Variants in PAK5 observed in about 807,000 individuals in gnomAD.
PAK5 encodes the protein serine/threonine-protein kinase PAK 5.
In PAK5, 16 loss-of-function variants were observed where a neutral mutation model predicts 65.9. The observed-to-expected ratio is 0.24, with a 90% CI of 0.16 to 0.37. The LOEUF is 0.37. Ranked by LOEUF, PAK5 falls within the 10% of genes least tolerant of loss-of-function variation. The pLI, the probability that PAK5 is intolerant of heterozygous loss-of-function variation, is 1.00. For missense variants in PAK5, 785 were observed against 903.9 expected (o/e 0.87, Z 1.69); for synonymous variants, 371 against 354.9 (o/e 1.05, Z -0.51).
At chr20:9,593,598 G>A (rs1170799087) in intron 3 of PAK5, among the ~76,000 whole-genome samples, 6 of 152,110 alleles carry the variant, frequency 3.9e-5, no homozygotes, top group Non-Finnish European at 7.3e-5. Flanking sequence ...ACAGGCCCCG[G>A]TGTGCGATGT....
At chr20:9,557,506 A>T (rs2045525572) in intron 7 of PAK5, 102 bp downstream of exon 7, 1 of 988,494 alleles carries the variant, frequency 1.0e-6, no homozygotes, top group South Asian at 1.9e-5. Context: ...ACTTGTGACT[A>T]AGAAAAATTA....
intron 2 of PAK5, among the ~76,000 whole-genome samples, chr20:9,685,869 G>A (rs2047712513): frequency 2.0e-5 from 3 of 152,166 alleles, no homozygotes; most frequent in South Asian, 4.1e-4. Flanking sequence ...GTGTTATGAA[G>A]TACAGCCCCA....
At chr20:9,815,969 A>G (rs908484502) in intron 1 of PAK5, among the ~76,000 whole-genome samples, 1 of 152,266 alleles carries the variant, frequency 6.6e-6, no homozygotes, top group South Asian at 2.1e-4. Context: ...GAGAGCTCCA[A>G]AGTCACACTA....
At chr20:9,787,183 T>C (rs6118734) in intron 1 of PAK5, among the ~76,000 whole-genome samples, 15,800 of 152,144 alleles carry the variant, frequency 0.1, 2,051 homozygotes, top group African/African-American at 0.29. Flanking sequence ...ATAAGAGAAA[T>C]AAAGCATAGA....
At chr20:9,541,436 T>G (rs779144753) in intron 9 of PAK5, among the ~76,000 whole-genome samples, 5 of 152,184 alleles carry the variant, frequency 3.3e-5, no homozygotes, top group Non-Finnish European at 7.3e-5. Context: ...CTTACATGCA[T>G]TATATTAACC....
intron 3 of PAK5, among the ~76,000 whole-genome samples, chr20:9,611,783 C>T (rs1278561106): frequency 1.3e-5 from 2 of 152,162 alleles, no homozygotes; most frequent in African/African-American, 4.8e-5. Context: ...CCCAACTCTG[C>T]CTCAAGAGAG....
chr20:9,639,661 C>T (rs549129308), intron 3 of PAK5, among the ~76,000 whole-genome samples: 1 of 152,330 alleles, frequency 6.6e-6, no homozygotes, highest in African/African-American at 2.4e-5. Flanking sequence ...ATATTTTAGT[C>T]TTTTCATTTC....
At chr20:9,543,802 T>C (rs1167912946) in intron 8 of PAK5, among the ~76,000 whole-genome samples, 1 of 152,180 alleles carries the variant, frequency 6.6e-6, no homozygotes, top group East Asian at 1.9e-4. Flanking sequence ...TTCCAGGCCC[T>C]ACCTCTTAAA....
At chr20:9,828,318 TTTTG>T (rs1482285168) in intron 1 of PAK5, among the ~76,000 whole-genome samples, 1 of 152,220 alleles carries the variant, frequency 6.6e-6, no homozygotes, top group Non-Finnish European at 1.5e-5. Context: ...GGCAAATTAT[TTTTG>T]TTTGTCTGTT....
rs558322058 is a variant in PAK5, at chr20:9,742,900, AC to A, written c.-161-31466del. On this transcript the variant is annotated intron_variant, in intron 1 of 9. Coordinates refer to ENST00000353224, the MANE Select transcript of PAK5 (RefSeq NM_177990.4). ...ACCTAGACAAGAACAGATCTTGTAA[AC>A]ACTGTGATGGGATTTACTAACAGGA... 3.5e-3 allele frequency among the ~76,000 whole-genome samples: 532 copies of A among 152,302 alleles called. 1 individual carries two copies. Among genetic ancestry groups the A allele is most frequent in the South Asian group, 0.01 (50 of 4,826 alleles).
intron 1 of PAK5, among the ~76,000 whole-genome samples, chr20:9,836,940 G>A (rs1389857776): frequency 5.3e-5 from 8 of 152,204 alleles, no homozygotes; most frequent in Non-Finnish European, 1.0e-4. Context: ...ACATAGAAGA[G>A]TCAGAGTTCA....
intron 1 of PAK5, among the ~76,000 whole-genome samples, chr20:9,726,983 T>C (rs553717334): frequency 6.6e-6 from 1 of 152,264 alleles, no homozygotes; most frequent in South Asian, 2.1e-4. Flanking sequence ...CCAATTAGAA[T>C]CTTCATAATT....
At chr20:9,809,028 C>CTTTATATTATTCTA (rs887102307) in intron 1 of PAK5, among the ~76,000 whole-genome samples, 3 of 151,976 alleles carry the variant, frequency 2.0e-5, no homozygotes, top group African/African-American at 7.3e-5. Flanking sequence ...TGTCGATGTT[C>CTTTATATTATTCTA]TTTATATTAT....
chr20:9,833,852 T>G (rs983322946), intron 1 of PAK5, among the ~76,000 whole-genome samples: 3 of 152,224 alleles, frequency 2.0e-5, no homozygotes, highest in African/African-American at 4.8e-5. Flanking sequence ...ACAAAGACTT[T>G]TATATATTTC....
chr20:9,664,878 C>T (rs1425499110), intron 2 of PAK5, among the ~76,000 whole-genome samples: 1 of 151,970 alleles, frequency 6.6e-6, no homozygotes, highest in African/African-American at 2.4e-5. Context: ...AAAAAAGAAT[C>T]CCTCAAAAAA....
intron 2 of PAK5, among the ~76,000 whole-genome samples, chr20:9,697,245 G>A (rs1357257971): frequency 3.3e-5 from 5 of 152,040 alleles, no homozygotes; most frequent in Non-Finnish European, 7.4e-5. Context: ...CTATAAGTCA[G>A]AACACTGCCC....
At chr20:9,724,406 G>A (rs1364389520) in intron 1 of PAK5, among the ~76,000 whole-genome samples, 1 of 152,138 alleles carries the variant, frequency 6.6e-6, no homozygotes, top group African/African-American at 2.4e-5. Flanking sequence ...GAACAGAGGT[G>A]TATGTTGCAT....
chr20:9,789,710 AG>A (rs2049029861), intron 1 of PAK5, among the ~76,000 whole-genome samples: 1 of 152,134 alleles, frequency 6.6e-6, no homozygotes, highest in South Asian at 2.1e-4. Context: ...AAAGACCAGG[AG>A]TTTGGGGGCA....
chr20:9,631,465 G>C (rs143478759), intron 3 of PAK5, among the ~76,000 whole-genome samples: 20 of 152,256 alleles, frequency 1.3e-4, no homozygotes, highest in African/African-American at 4.8e-4. Context: ...AAGCTGTCAC[G>C]CATTCTGCAG....
Sources: gnomAD v4.1 joint callset for allele counts (sites outside exome capture counted in the v4.1 genomes callset) on GRCh38, gnomAD v4.1.1 for gene constraint, MANE v1.5 for transcripts, NCBI Gene and HGNC (gene_info 2026-07-23, HGNC 2026-07-21) for gene names.